Variants in SEM1 observed in about 807,000 individuals in gnomAD.
SEM1 encodes the protein SEM1 26S proteasome subunit.
A neutral mutation model predicts 12.7 loss-of-function variants in SEM1; 3 were observed. The ratio of observed to expected loss-of-function variants is 0.24; its 90% CI spans 0.11 to 0.61. The LOEUF is 0.61. SEM1 is among the 20% of genes least tolerant of loss of function. SEM1 has a pLI of 0.88. For synonymous variants in SEM1, 30 were observed against 27.8 expected (o/e 1.08, Z -0.25); for missense variants, 59 against 81.3 (o/e 0.73, Z 1.06).
At chr7:96,600,050 G>T (rs1420417563) in intron 2 of SEM1, among the ~76,000 whole-genome samples, 1 of 152,150 alleles carries the variant, frequency 6.6e-6, no homozygotes, top group Admixed American at 6.5e-5. Flanking sequence ...TTTGGGGTGG[G>T]ACAGAGAGTG....
chr7:96,585,767 A>T (rs2116097277), intron 2 of SEM1, among the ~76,000 whole-genome samples: 1 of 152,302 alleles, frequency 6.6e-6, no homozygotes, highest in African/African-American at 2.4e-5. Flanking sequence ...TGACTAGGAA[A>T]GGGAACTCCC....
rs1348560512 is a variant in SEM1 at position 96,581,288 on chromosome 7, C to T, written c.171-74590G>A. ...CAAAGATCAGATAGTTGCAGATATGCGGCGTTATTTCTGAGGGCTCTGTCC... is the reference window on the plus strand; with the variant it reads ...CAAAGATCAGATAGTTGCAGATATGTGGCGTTATTTCTGAGGGCTCTGTCC... On this transcript the variant is annotated intron_variant and NMD_transcript_variant, in intron 2 of 3. Coordinates refer to the SEM1 transcript ENST00000466986. 4.6e-5 allele frequency among the ~76,000 whole-genome samples: 7 copies of T among 152,122 alleles called. No individual in the cohort carries two copies. In the South Asian group the frequency reaches 6.2e-4, roughly 14 times the overall value.
chr7:96,614,657 T>G (rs1563083658), intron 2 of SEM1, among the ~76,000 whole-genome samples: 1 of 152,210 alleles, frequency 6.6e-6, no homozygotes, highest in African/African-American at 2.4e-5. Context: ...TGAGTCCAGT[T>G]CAGGTCTCTC....
chr7:96,584,912 A>T (rs2116087777), intron 2 of SEM1, among the ~76,000 whole-genome samples: 1 of 150,954 alleles, frequency 6.6e-6, no homozygotes, highest in East Asian at 2.0e-4. Flanking sequence ...CTTTGGTTTG[A>T]ATGTCCTCCT....
At chr7:96,672,066 T>C (rs1789331096), downstream of SEM1, among the ~76,000 whole-genome samples, 1 of 152,186 alleles carries the variant, frequency 6.6e-6, no homozygotes, top group African/African-American at 2.4e-5. Context: ...CTGTGGTAAC[T>C]CCGAGTAAGA....
chr7:96,492,759 ATGTGTGTG>A (rs138520257), intron 1 of SEM1, among the ~76,000 whole-genome samples: 2,048 of 142,970 alleles, frequency 0.014, 50 homozygotes, highest in African/African-American at 0.05. Context: ...AATAATATTC[ATGTGTGTG>A]TGTGTGTGTG....
chr7:96,486,168 T>TC (rs762834302), intron 2 of SEM1: 1 of 1,457,192 alleles, frequency 6.9e-7, no homozygotes, highest in African/African-American at 1.4e-5. Flanking sequence ...TTTCTACCTT[T>TC]TTTTTTTTTC....
chr7:96,599,921 G>T (rs545827931), intron 2 of SEM1, among the ~76,000 whole-genome samples: 2 of 152,180 alleles, frequency 1.3e-5, no homozygotes, highest in African/African-American at 2.4e-5. Context: ...TTAAGAACAT[G>T]TTAGCTTATC....
chr7:96,551,226 T>C (rs1805259030), intron 2 of SEM1, among the ~76,000 whole-genome samples: 1 of 152,188 alleles, frequency 6.6e-6, no homozygotes, highest in African/African-American at 2.4e-5. Context: ...CCAAAATTCA[T>C]TGAGCATAAT....
intron 2 of SEM1, among the ~76,000 whole-genome samples, chr7:96,590,137 G>A (rs760949459): frequency 7.9e-5 from 12 of 151,842 alleles, no homozygotes; most frequent in South Asian, 4.2e-4. Context: ...TTCATTTCCC[G>A]GTAAAATATT....
intron 2 of SEM1, among the ~76,000 whole-genome samples, chr7:96,636,167 G>T (rs1182860698): frequency 6.6e-6 from 1 of 151,952 alleles, no homozygotes; most frequent in Non-Finnish European, 1.5e-5. Flanking sequence ...ATCTGGAAAG[G>T]TGTGCAATAT....
At chr7:96,707,570 C>G (rs1418825165) in intron 1 of SEM1, among the ~76,000 whole-genome samples, 2 of 152,194 alleles carry the variant, frequency 1.3e-5, no homozygotes, top group African/African-American at 4.8e-5. Context: ...CATAAATGGT[C>G]AATTACTTAA....
chr7:96,515,317 C>G (rs964734994), intron 2 of SEM1, among the ~76,000 whole-genome samples: 6 of 152,084 alleles, frequency 3.9e-5, no homozygotes, highest in African/African-American at 1.2e-4. Context: ...AAATCAAAAC[C>G]ACAAAGGGAT....
At chr7:96,492,299 G>C (rs1803042173) in intron 1 of SEM1, among the ~76,000 whole-genome samples, 1 of 152,106 alleles carries the variant, frequency 6.6e-6, no homozygotes, top group South Asian at 2.1e-4. Context: ...GACTATTACA[G>C]GTACCACATA....
At chr7:96,694,718 G>C (rs1473198886) in intron 2 of SEM1, 80 bp downstream of exon 2, 9 of 922,274 alleles carry the variant, frequency 9.8e-6, no homozygotes, top group Admixed American at 1.9e-5. Flanking sequence ...GCTTTTAAGA[G>C]GTTAATCATC....
chr7:96,499,310 C>T (rs543959459), upstream of SEM1, among the ~76,000 whole-genome samples: 8 of 152,154 alleles, frequency 5.3e-5, no homozygotes, highest in Non-Finnish European at 1.0e-4. Flanking sequence ...AGAAAGTCCA[C>T]TTGAGTGACC....
At chr7:96,575,912 T>A (rs1806190304) in intron 2 of SEM1, among the ~76,000 whole-genome samples, 1 of 152,248 alleles carries the variant, frequency 6.6e-6, no homozygotes, top group Admixed American at 6.5e-5. Context: ...TATTTTGATC[T>A]ACTTGAAGAA....
chr7:96,483,638 G>A (rs974712414), exon 4 of SEM1: 91 of 544,208 alleles, frequency 1.7e-4, no homozygotes, highest in Non-Finnish European at 2.7e-4. Flanking sequence ...ATGACAGAGG[G>A]AAAGAGCACT....
At chr7:96,700,582 T>C (rs994752894) in intron 1 of SEM1, among the ~76,000 whole-genome samples, 3 of 152,212 alleles carry the variant, frequency 2.0e-5, no homozygotes, top group Non-Finnish European at 4.4e-5. Context: ...CTTCAAACCA[T>C]GTTGTTAAAG....
Sources: gnomAD v4.1 joint callset for allele counts (sites outside exome capture counted in the v4.1 genomes callset) on GRCh38, gnomAD v4.1.1 for gene constraint, MANE v1.5 for transcripts, NCBI Gene and HGNC (gene_info 2026-07-23, HGNC 2026-07-21) for gene names.